The following EXOC2 variants were observed in gnomAD, a reference collection of about 807,000 sequenced individuals.
EXOC2 encodes exocyst complex component 2.
Under a neutral mutation model 131.8 loss-of-function variants are expected in EXOC2, and 70 were observed. The observed-to-expected ratio is 0.53, with a 90% CI of 0.44 to 0.65. The LOEUF (loss-of-function observed/expected upper bound fraction) is 0.65. Ranked by LOEUF, EXOC2 falls within the 30% of genes least tolerant of loss-of-function variation. The pLI is 0.00. For missense variants in EXOC2, 923 were observed against 1,108.6 expected (o/e 0.83, Z 2.38); for synonymous variants, 411 against 398.4 (o/e 1.03, Z -0.38).
chr6:549,066 G>T, intron 22 of EXOC2, 109 bp downstream of exon 22: 1 of 817,538 alleles, frequency 1.2e-6, no homozygotes, highest in Non-Finnish European at 2.1e-6. Flanking sequence ...GGCTGTGGGG[G>T]CGGCACGCAG....
At chr6:522,922 G>A (rs1765552126) in intron 23 of EXOC2, among the ~76,000 whole-genome samples, 1 of 152,254 alleles carries the variant, frequency 6.6e-6, no homozygotes, top group Non-Finnish European at 1.5e-5. Context: ...AAGCAGGTCA[G>A]CACATGACCA....
chr6:686,542 G>C (rs1052764433), intron 1 of EXOC2, among the ~76,000 whole-genome samples: 3 of 152,162 alleles, frequency 2.0e-5, no homozygotes, highest in African/African-American at 7.2e-5. Context: ...AGGAATACTG[G>C]AAGCCAGACA....
At chr6:681,174 C>T (rs747533707) in intron 1 of EXOC2, among the ~76,000 whole-genome samples, 7 of 152,214 alleles carry the variant, frequency 4.6e-5, no homozygotes, top group Non-Finnish European at 7.3e-5. Context: ...GCCCTAATTA[C>T]ATCCTAAAAG....
chr6:508,756 T>G (rs571372647), intron 23 of EXOC2, among the ~76,000 whole-genome samples: 1 of 152,356 alleles, frequency 6.6e-6, no homozygotes, highest in African/African-American at 2.4e-5. Flanking sequence ...GGTTTTTGTG[T>G]GGATGTAACT....
chr6:580,900 G>A (rs1379585280), intron 11 of EXOC2, among the ~76,000 whole-genome samples: 2 of 152,162 alleles, frequency 1.3e-5, no homozygotes, highest in East Asian at 1.9e-4. Flanking sequence ...TGGTGGTGTC[G>A]TTTTAAATGT....
At chr6:647,605 T>C (rs1247644927) in intron 1 of EXOC2, among the ~76,000 whole-genome samples, 2 of 121,268 alleles carry the variant, frequency 1.6e-5, no homozygotes, top group Non-Finnish European at 3.5e-5. Context: ...CATTTGTGAA[T>C]GTGACCGCTC....
chr6:672,989 G>A (rs1008731348), intron 1 of EXOC2, among the ~76,000 whole-genome samples: 4 of 152,076 alleles, frequency 2.6e-5, no homozygotes, highest in African/African-American at 4.8e-5. Flanking sequence ...ACTGGGCGCG[G>A]TGGCTCAGCC....
At chr6:687,906 ACTTT>A (rs1284919613) in intron 1 of EXOC2, among the ~76,000 whole-genome samples, 2 of 152,216 alleles carry the variant, frequency 1.3e-5, no homozygotes, top group African/African-American at 4.8e-5. Context: ...TTTCTGTTTT[ACTTT>A]ATTCTTGTCT....
chr6:616,012 T>C (rs1441444883), intron 6 of EXOC2, among the ~76,000 whole-genome samples: 1 of 152,184 alleles, frequency 6.6e-6, no homozygotes, highest in Non-Finnish European at 1.5e-5. Context: ...TATACTTTCA[T>C]CTCCACTTTT....
At chr6:648,602 T>G (rs1762685977) in intron 1 of EXOC2, among the ~76,000 whole-genome samples, 1 of 151,912 alleles carries the variant, frequency 6.6e-6, no homozygotes, top group Non-Finnish European at 1.5e-5. Flanking sequence ...TTTGTTTAAC[T>G]AAAGCAATAT....
chr6:644,843 C>G (rs934652211), intron 1 of EXOC2, among the ~76,000 whole-genome samples: 1 of 151,970 alleles, frequency 6.6e-6, no homozygotes, highest in Admixed American at 6.6e-5. Flanking sequence ...AAATAAAGAC[C>G]TAAATAAGTG....
At chr6:519,148 G>A (rs1181071624) in intron 23 of EXOC2, among the ~76,000 whole-genome samples, 5 of 103,594 alleles carry the variant, frequency 4.8e-5, no homozygotes, top group South Asian at 3.7e-4. Context: ...GACACTCACC[G>A]TCCACACTCG....
At chr6:676,126 T>G (rs1369673029) in intron 1 of EXOC2, among the ~76,000 whole-genome samples, 17 of 59,428 alleles carry the variant, frequency 2.9e-4, no homozygotes, top group Admixed American at 4.1e-4. Context: ...CAGGTTCCTC[T>G]GGAGACTCTG....
In EXOC2 at chr6:556,033, T is replaced by C. The variant is rs755226750; in HGVS notation, c.1933-20A>G. On this transcript the variant is annotated intron_variant, in intron 18 of 27. Transcript: ENST00000230449. ...GAAGACCTGTAAGGAAGAATTTTGA[T>C]GAAAATTTTTGGACTTTGCTAAGAA... 3 of 1,610,764 alleles carry C rather than the reference T, an allele frequency of 1.9e-6. No homozygotes were observed. The highest frequency in any genetic ancestry group is 3.4e-5 in the Admixed American group (2 of 59,128).
intron 7 of EXOC2, among the ~76,000 whole-genome samples, chr6:604,501 T>C (rs1326527419): frequency 3.3e-5 from 5 of 152,174 alleles, no homozygotes; most frequent in Admixed American, 6.5e-5. Context: ...AGATGGCAGA[T>C]TGCTCTTTAA....
intron 10 of EXOC2, among the ~76,000 whole-genome samples, chr6:597,369 GT>G (rs1415196279): frequency 6.6e-6 from 1 of 151,942 alleles, no homozygotes; most frequent in African/African-American, 2.4e-5. Context: ...TAGAGATGGG[GT>G]TTCACCACAT....
chr6:496,151 C>T (rs1022737383), intron 25 of EXOC2, among the ~76,000 whole-genome samples: 1 of 152,040 alleles, frequency 6.6e-6, no homozygotes, highest in African/African-American at 2.4e-5. Flanking sequence ...TGTTAAAATC[C>T]TTGTCTGCTA....
At chr6:579,327 G>A (rs946064494) in intron 11 of EXOC2, among the ~76,000 whole-genome samples, 2 of 152,018 alleles carry the variant, frequency 1.3e-5, no homozygotes, top group Non-Finnish European at 2.9e-5. Flanking sequence ...AACAGAAACT[G>A]TATTACTATG....
chr6:579,588 A>G (rs1758772943), intron 11 of EXOC2, among the ~76,000 whole-genome samples: 1 of 152,248 alleles, frequency 6.6e-6, no homozygotes, highest in Admixed American at 6.5e-5. Flanking sequence ...TCAACTAAAC[A>G]GTGGGTACTA....
Sources: allele counts gnomAD v4.1 joint callset (sites outside exome capture counted in the v4.1 genomes callset), GRCh38; gene constraint gnomAD v4.1.1; transcripts MANE v1.5; gene names NCBI Gene and HGNC (gene_info 2026-07-23, HGNC 2026-07-21).